GRID2IP: variants seen among roughly 807,000 people sequenced by gnomAD.
The protein encoded by GRID2IP is Grid2 interacting protein.
In GRID2IP, 78 loss-of-function variants were observed where a neutral mutation model predicts 114.3. The observed-to-expected ratio is 0.68, with a 90% CI of 0.57 to 0.82. The LOEUF (loss-of-function observed/expected upper bound fraction) is 0.82. GRID2IP is among the 40% of genes least tolerant of loss of function. GRID2IP has a pLI of 0.00. For synonymous variants in GRID2IP, 809 were observed against 724.0 expected, an observed-to-expected ratio of 1.12 and a Z score of -1.89; for missense variants, 1,727 against 1,678.5, an observed-to-expected ratio of 1.03 and a Z score of -0.51.
chr7:6,548,698 T>C (rs955598036), intron 1 of GRID2IP, among the ~76,000 whole-genome samples: 4 of 151,124 alleles, frequency 2.6e-5, no homozygotes, highest in African/African-American at 9.7e-5. Flanking sequence ...AAAAAATAGC[T>C]GGCCATGGTG....
At chr7:6,548,772 G>C (rs1407290970) in intron 1 of GRID2IP, among the ~76,000 whole-genome samples, 1 of 151,198 alleles carries the variant, frequency 6.6e-6, no homozygotes, top group Non-Finnish European at 1.5e-5. Context: ...AACCCAGGAG[G>C]TGGAGGTTGC....
rs1037085693 is a variant in GRID2IP, at chr7:6,497,732, C to T, written c.*42G>A. 2.7e-6 allele frequency: 4 copies of T among 1,471,056 alleles called. No homozygotes were observed. Among genetic ancestry groups the T allele is most frequent in the Non-Finnish European group, 3.7e-6 (4 of 1,080,460 alleles). 91.1% of individuals were successfully genotyped at this position (1,471,056 alleles called of 1,614,324 possible). On this transcript the variant is annotated 3_prime_UTR_variant, in exon 22 of 22. Transcript: ENST00000457091. ...GTGTCTGGGCTGCCCTCTCGGCCTC[C>T]ATCTCCCTGCTCAGGCCGCAGAGGA...
chr7:6,497,628 A>C lies in GRID2IP; in HGVS notation c.*146T>G. The C allele has an allele frequency of 1.7e-6, 1 of 590,142 alleles. No individual in the cohort carries two copies. The highest frequency in any genetic ancestry group is 2.9e-6 in the Non-Finnish European group (1 of 341,142). The allele number at this position is 590,142 out of a possible 1,614,324, so 36.6% of individuals were successfully genotyped here. A position where few individuals can be genotyped will look rare whatever the true frequency, so the allele number is the denominator to read the frequency against. ...GGCTGGCAGAGGAGGGCCCGACCAC[A>C]GCTCGGCGGCTGAGGTAGCTGCAGG... On this transcript the variant is annotated 3_prime_UTR_variant, in exon 22 of 22. Coordinates refer to ENST00000457091, the MANE Select transcript of GRID2IP (RefSeq NM_001145118.2).
chr7:6,505,801 A>G lies in GRID2IP; in HGVS notation c.2632+19T>C, dbSNP rs971501033. ...TGGTGTGGTATCTGGGGTTCCCCCA[A>G]GGCCATCAGGCCACTCACTAGCAGG... On this transcript the variant is annotated intron_variant, in intron 14 of 21. Coordinates refer to ENST00000457091, the MANE Select transcript of GRID2IP (RefSeq NM_001145118.2). 1.7e-5 allele frequency: 26 copies of G among 1,519,890 alleles called. No individual in the cohort carries two copies. Among genetic ancestry groups the G allele is most frequent in the East Asian group, 9.8e-5 (4 of 40,766 alleles). 94.2% of individuals were successfully genotyped at this position (1,519,890 alleles called of 1,614,324 possible).
chr7:6,497,852 AGG>A lies in GRID2IP; in HGVS notation c.3565-9_3565-8del. ...GCAGGTCACTCAGCGCTCGCTGGGG[AGG>A]GGGAACACAGAGGTAGGGTGGTCAG... On this transcript the variant is annotated splice_polypyrimidine_tract_variant and splice_region_variant and intron_variant, in intron 21 of 21. Coordinates refer to ENST00000457091, the MANE Select transcript of GRID2IP (RefSeq NM_001145118.2). The A allele has an allele frequency of 6.5e-7, 1 of 1,548,846 alleles. No homozygotes were observed. The highest frequency in any genetic ancestry group is 1.4e-5 in the African/African-American group (1 of 73,108).
intron 17 of GRID2IP, 24 bp from the exon 18 acceptor site, chr7:6,502,896 TC>T (rs772778367): frequency 7.6e-5 from 117 of 1,543,470 alleles, no homozygotes; most frequent in Non-Finnish European, 9.5e-5. Flanking sequence ...GGTGGGTAGG[TC>T]CTGTCCTCAC....
rs1779380144 is a variant in GRID2IP, at chr7:6,519,881, T to C, written c.1268+697A>G. Among the ~76,000 whole-genome samples the C allele has an allele frequency of 6.6e-6, 1 of 152,246 alleles. No homozygotes were observed. Among genetic ancestry groups the C allele is most frequent in the South Asian group, 2.1e-4 (1 of 4,834 alleles). On this transcript the variant is annotated intron_variant, in intron 7 of 21. Transcript: ENST00000457091. The surrounding 1 kb of genome is among the most constrained non-coding windows in gnomAD (Gnocchi z 4.1). ...GAGGAGTGTGATAAATGCAGCTGGC[T>C]GCAGCTGAGGTCCAAAAAGAAAGAC...
intron 1 of GRID2IP, among the ~76,000 whole-genome samples, chr7:6,544,464 A>G (rs1779856586): frequency 6.6e-6 from 1 of 151,248 alleles, no homozygotes; most frequent in Non-Finnish European, 1.5e-5. Flanking sequence ...TGTTTTTAGT[A>G]GAGACAGGGT....
At chr7:6,545,661 C>T (rs1181572434) in intron 1 of GRID2IP, among the ~76,000 whole-genome samples, 2 of 152,250 alleles carry the variant, frequency 1.3e-5, no homozygotes, top group African/African-American at 4.8e-5. Flanking sequence ...CTCCCCCACC[C>T]AGGTGTGATG....
In GRID2IP at chr7:6,528,819, G is replaced by A. The variant is rs1583348025; in HGVS notation, c.585-2050C>T. 1.3e-5 allele frequency among the ~76,000 whole-genome samples: 2 copies of A among 152,226 alleles called. No homozygotes were observed. Among genetic ancestry groups the A allele is most frequent in the East Asian group, 3.9e-4 (2 of 5,176 alleles). On this transcript the variant is annotated intron_variant, in intron 2 of 21. Transcript: ENST00000457091. The surrounding 1 kb of genome is among the most constrained non-coding windows in gnomAD (Gnocchi z 6.0). ...TGGTCCGGGGGGTAACCAGGAACCA[G>A]GATGAATGTCCTGCTCACCTCTGCC...
At chr7:6,549,513 G>A (rs1453610379) in intron 1 of GRID2IP, among the ~76,000 whole-genome samples, 1 of 152,216 alleles carries the variant, frequency 6.6e-6, no homozygotes, top group Non-Finnish European at 1.5e-5. Context: ...AGCCAAACTA[G>A]GGCCTCCTGC....
chr7:6,533,877 T>C (rs953886699), intron 2 of GRID2IP, among the ~76,000 whole-genome samples: 8 of 151,896 alleles, frequency 5.3e-5, no homozygotes, highest in Non-Finnish European at 8.8e-5. Flanking sequence ...TCTTGAACTC[T>C]GGCCTTAAGC....
chr7:6,504,380 G>T (rs980831230), intron 15 of GRID2IP, among the ~76,000 whole-genome samples: 1 of 151,476 alleles, frequency 6.6e-6, no homozygotes, highest in Non-Finnish European at 1.5e-5. Flanking sequence ...GGCGGGGCCT[G>T]CGAGGGGTGC....
Position 6,521,417 on chromosome 7 carries a change from TG to T in GRID2IP, c.1084+11del. 6.5e-7 allele frequency: 1 copy of T among 1,530,976 alleles called. No individual in the cohort carries two copies. Among genetic ancestry groups the T allele is most frequent in the Non-Finnish European group, 8.8e-7 (1 of 1,134,956 alleles). The allele number at this position is 1,530,976 out of a possible 1,614,324, so 94.8% of individuals were successfully genotyped here. A position where few individuals can be genotyped will look rare whatever the true frequency, so the allele number is the denominator to read the frequency against. The stretch of plus-strand genomic sequence containing the variant: ...GGGGGCCAAGGAAGCCAAGTGTCCA[TG>T]GGGGTCTCACCACTGGCAAATGGGA... On this transcript the variant is annotated intron_variant, in intron 6 of 21. Coordinates refer to ENST00000457091, the MANE Select transcript of GRID2IP (RefSeq NM_001145118.2). The surrounding 1 kb of genome is among the most constrained non-coding windows in gnomAD (Gnocchi z 4.1).
chr7:6,502,709 C>T (rs1481798837), intron 18 of GRID2IP, 77 bp downstream of exon 18: 35 of 1,074,254 alleles, frequency 3.3e-5, no homozygotes, highest in Non-Finnish European at 4.9e-5. Flanking sequence ...TGCCCTCTGC[C>T]ACAACTGAGC....
At chr7:6,505,317 G>C (rs1322762474) in intron 14 of GRID2IP, among the ~76,000 whole-genome samples, 2 of 150,832 alleles carry the variant, frequency 1.3e-5, no homozygotes, top group Non-Finnish European at 3.0e-5. Context: ...ATTTAGAAAT[G>C]AGAGTCCCTG....
chr7:6,510,922 G>A lies in GRID2IP; in HGVS notation c.1541C>T (p.Ala514Val). 1.9e-6 allele frequency: 3 copies of A among 1,549,572 alleles called. No individual in the cohort carries two copies. Among genetic ancestry groups the A allele is most frequent in the Non-Finnish European group, 8.7e-7 (1 of 1,145,884 alleles). The change falls in exon 9 of 22, where the codon GCC becomes GTC. Residue 514 changes from alanine (A) to valine (V), a missense_variant. Coordinates refer to ENST00000457091, the MANE Select transcript of GRID2IP (RefSeq NM_001145118.2). ...RRSLRSQGLE[A>V]GLSCGPSECP... ...ACCAGCCTTACCGCAGCTGAGGCCG[G>A]CCTCCAGGCCCTGGGACCGGAGGCT... is the stretch of plus-strand genomic sequence containing the variant.
At chr7:6,541,235 G>A (rs564893543) in intron 1 of GRID2IP, among the ~76,000 whole-genome samples, 11 of 152,274 alleles carry the variant, frequency 7.2e-5, no homozygotes, top group Admixed American at 1.3e-4. Context: ...AGGTGACGGC[G>A]TCACGGGGTG....
Position 6,520,818 on chromosome 7 carries a change from T to C in GRID2IP, c.1085-57A>G. ...TGACTCAGAGTCCCCAGGCCAGGTG[T>C]AGTCTCCCTGGCTTTTGAGGTCAGG... On this transcript the variant is annotated intron_variant, in intron 6 of 21. Coordinates refer to ENST00000457091, the MANE Select transcript of GRID2IP (RefSeq NM_001145118.2). This position sits in a 1 kb window ranked among gnomAD's most constrained non-coding sequence, Gnocchi z 4.6. 4.0e-6 allele frequency: 6 copies of C among 1,483,940 alleles called. No individual in the cohort carries two copies. The highest frequency in any genetic ancestry group is 2.5e-5 in the East Asian group (1 of 40,138). The allele number at this position is 1,483,940 out of a possible 1,614,324, so 91.9% of individuals were successfully genotyped here.
Sources: gnomAD v4.1 joint callset for allele counts (sites outside exome capture counted in the v4.1 genomes callset) on GRCh38, gnomAD v4.1.1 for gene constraint, Gnocchi (gnomAD v3.1) non-coding constraint, MANE v1.5 for transcripts, NCBI Gene and HGNC (gene_info 2026-07-23, HGNC 2026-07-21) for gene names.